MACROD2: variants seen among roughly 807,000 people sequenced by gnomAD.
MACROD2 encodes mono-ADP ribosylhydrolase 2, also known as ADP-ribose glycohydrolase MACROD2.
In MACROD2, 36 loss-of-function variants were observed where a neutral mutation model predicts 70.4. The ratio of observed to expected loss-of-function variants is 0.51; its 90% confidence interval spans 0.39 to 0.68. MACROD2 has a LOEUF of 0.68. Among genes scored for constraint, MACROD2 ranks in the 30% least tolerant of loss-of-function variants. The pLI is 0.00. For missense variants in MACROD2, 496 were observed against 538.4 expected (o/e 0.92, Z 0.78); for synonymous variants, 172 against 178.8 (o/e 0.96, Z 0.30).
chr20:15,273,228 G>A (rs2077361080), intron 6 of MACROD2, among the ~76,000 whole-genome samples: 1 of 151,960 alleles, frequency 6.6e-6, no homozygotes, highest in Admixed American at 6.6e-5. Flanking sequence ...GGCAGAAAAA[G>A]GTAAAAAGGA....
At chr20:15,701,283 G>C (rs544735973) in intron 8 of MACROD2, among the ~76,000 whole-genome samples, 2 of 152,184 alleles carry the variant, frequency 1.3e-5, no homozygotes, top group Non-Finnish European at 2.9e-5. Flanking sequence ...TGCATTCTGG[G>C]TTTTGTATGC....
chr20:14,596,334 C>G (rs551607198), intron 4 of MACROD2, among the ~76,000 whole-genome samples: 8 of 151,186 alleles, frequency 5.3e-5, no homozygotes, highest in Admixed American at 2.0e-4. Context: ...TTGTGATCCT[C>G]CCGCCTCGGC....
intron 5 of MACROD2, among the ~76,000 whole-genome samples, chr20:14,815,751 C>A (rs539166518): frequency 6.6e-6 from 1 of 151,978 alleles, no homozygotes; most frequent in Admixed American, 6.6e-5. Flanking sequence ...AATAAAATAT[C>A]TAACATAGTA....
chr20:15,651,031 T>A (rs111784515), intron 8 of MACROD2, among the ~76,000 whole-genome samples: 1 of 152,222 alleles, frequency 6.6e-6, no homozygotes, highest in Admixed American at 6.5e-5. Context: ...AAATTATTTT[T>A]GCTTGGAGAA....
intron 8 of MACROD2, among the ~76,000 whole-genome samples, chr20:15,554,291 G>A (rs139093459): frequency 2.6e-5 from 4 of 152,188 alleles, no homozygotes; most frequent in Middle Eastern, 3.4e-3. Flanking sequence ...AATTTGCTCC[G>A]GTATAGTGCT....
intron 5 of MACROD2, among the ~76,000 whole-genome samples, chr20:14,943,792 C>T (rs2074408809): frequency 6.6e-6 from 1 of 152,146 alleles, no homozygotes; most frequent in African/African-American, 2.4e-5. Flanking sequence ...AATGTTTTCT[C>T]CTGCATGTTC....
intron 4 of MACROD2, among the ~76,000 whole-genome samples, chr20:14,665,234 A>G (rs2070724693): frequency 6.6e-6 from 1 of 152,102 alleles, no homozygotes. Flanking sequence ...TGAAATATGT[A>G]ATAGAGTAAC....
At chr20:15,203,715 T>C (rs907779853) in intron 5 of MACROD2, among the ~76,000 whole-genome samples, 1 of 152,102 alleles carries the variant, frequency 6.6e-6, no homozygotes, top group Non-Finnish European at 1.5e-5. Context: ...CAATAAAACA[T>C]GTTTCATGAA....
At chr20:14,021,737 A>G (rs1270734359) in intron 2 of MACROD2, among the ~76,000 whole-genome samples, 1 of 152,240 alleles carries the variant, frequency 6.6e-6, no homozygotes, top group Admixed American at 6.5e-5. Context: ...GCTTAACCCA[A>G]TAAAGTTTAT....
At chr20:14,395,573 T>G (rs2083572543) in intron 3 of MACROD2, among the ~76,000 whole-genome samples, 1 of 152,122 alleles carries the variant, frequency 6.6e-6, no homozygotes, top group African/African-American at 2.4e-5. Flanking sequence ...TGTCATTTTG[T>G]TTTTTATTTA....
chr20:14,560,347 G>A (rs8116040), intron 4 of MACROD2, among the ~76,000 whole-genome samples: 53,217 of 145,142 alleles, frequency 0.37, 10,921 homozygotes, highest in Middle Eastern at 0.5. Flanking sequence ...ACAGGTGCAC[G>A]CATGTGTGTA....
intron 5 of MACROD2, among the ~76,000 whole-genome samples, chr20:14,750,217 T>G (rs1054956191): frequency 2.0e-5 from 3 of 152,126 alleles, no homozygotes; most frequent in Non-Finnish European, 2.9e-5. Context: ...TTATTATGTG[T>G]ATTTTATCAT....
chr20:15,538,782 T>C (rs1034490024), intron 8 of MACROD2, among the ~76,000 whole-genome samples: 1 of 152,178 alleles, frequency 6.6e-6, no homozygotes, highest in Non-Finnish European at 1.5e-5. Flanking sequence ...CATTCATCAA[T>C]ACTGTAGTTT....
At chr20:15,768,613 A>G (rs1568549908) in intron 8 of MACROD2, among the ~76,000 whole-genome samples, 1 of 152,166 alleles carries the variant, frequency 6.6e-6, no homozygotes, top group Non-Finnish European at 1.5e-5. Flanking sequence ...TTTACAAAAA[A>G]TATTTTTCTT....
intron 15 of MACROD2, among the ~76,000 whole-genome samples, chr20:16,030,621 T>A (rs2067140083): frequency 6.6e-6 from 1 of 152,158 alleles, no homozygotes; most frequent in Non-Finnish European, 1.5e-5. Context: ...AGCTTGAAGA[T>A]GCAGTGATAA....
At chr20:15,710,542 A>G (rs922766261) in intron 8 of MACROD2, among the ~76,000 whole-genome samples, 3 of 152,228 alleles carry the variant, frequency 2.0e-5, no homozygotes, top group African/African-American at 7.2e-5. Flanking sequence ...GAAGATCTTC[A>G]TCCAAAAGGG....
At chr20:15,674,616 A>T (rs1038942098) in intron 8 of MACROD2, among the ~76,000 whole-genome samples, 1 of 152,020 alleles carries the variant, frequency 6.6e-6, no homozygotes, top group Non-Finnish European at 1.5e-5. Flanking sequence ...GCCCTCTATC[A>T]GTCTCTGCTG....
At chr20:15,228,487 C>CTTT (rs527508760) in intron 5 of MACROD2, among the ~76,000 whole-genome samples, 2,553 of 117,936 alleles carry the variant, frequency 0.022, 63 homozygotes, top group Middle Eastern at 0.031. Flanking sequence ...TTCCTTCTTT[C>CTTT]TTTTTTTTTT....
At chr20:14,460,554 G>T (rs1359524654) in intron 3 of MACROD2, among the ~76,000 whole-genome samples, 1 of 152,006 alleles carries the variant, frequency 6.6e-6, no homozygotes, top group Non-Finnish European at 1.5e-5. Flanking sequence ...GATATTGGCT[G>T]TGGGTTTGTC....
Sources: gnomAD v4.1 joint callset for allele counts (sites outside exome capture counted in the v4.1 genomes callset) on GRCh38, gnomAD v4.1.1 for gene constraint, MANE v1.5 for transcripts, NCBI Gene and HGNC (gene_info 2026-07-23, HGNC 2026-07-21) for gene names.